GRIN3A: variants seen among roughly 807,000 people sequenced by gnomAD.
The protein encoded by GRIN3A is glutamate receptor ionotropic, NMDA 3A.
In GRIN3A, 47 loss-of-function variants were observed where a neutral mutation model predicts 92.4. That is an observed-to-expected ratio of 0.51 (90% CI 0.40 to 0.65). GRIN3A has a LOEUF of 0.65. Among genes scored for constraint, GRIN3A ranks in the 30% least tolerant of loss-of-function variants. The pLI, the probability that GRIN3A is intolerant of heterozygous loss-of-function variation, is 0.00. For synonymous variants in GRIN3A, 527 were observed against 540.6 expected (o/e 0.97, Z 0.35); for missense variants, 1,324 against 1,393.1 (o/e 0.95, Z 0.79).
At chr9:101,603,130 TA>T (rs1427029703) in intron 6 of GRIN3A, 1 of 152,124 alleles carries the variant, frequency 6.6e-6, no homozygotes, top group African/African-American at 2.4e-5. Context: ...CATTTTGAAA[TA>T]AAAAATTATT....
chr9:101,665,731 C>T (rs770280455), intron 3 of GRIN3A, among the ~76,000 whole-genome samples: 11 of 151,786 alleles, frequency 7.2e-5, no homozygotes, highest in Non-Finnish European at 1.2e-4. Flanking sequence ...GCACTAAATT[C>T]TCCCTGATTA....
intron 3 of GRIN3A, among the ~76,000 whole-genome samples, chr9:101,663,119 C>T (rs1829193300): frequency 6.6e-6 from 1 of 151,924 alleles, no homozygotes; most frequent in African/African-American, 2.4e-5. Flanking sequence ...GGGGATTCTG[C>T]ACCTGCAGCC....
intron 3 of GRIN3A, among the ~76,000 whole-genome samples, chr9:101,649,499 A>T (rs1828982903): frequency 6.6e-6 from 1 of 151,898 alleles, no homozygotes; most frequent in African/African-American, 2.4e-5. Flanking sequence ...TGGTGGGGAG[A>T]ATGAATCTAC....
intron 6 of GRIN3A, among the ~76,000 whole-genome samples, chr9:101,599,802 G>A (rs558920545): frequency 6.6e-6 from 1 of 152,172 alleles, no homozygotes; most frequent in Non-Finnish European, 1.5e-5. Context: ...AGGAGACCAG[G>A]TCACACAGCT....
intron 6 of GRIN3A, chr9:101,593,548 G>A (rs1828063115): frequency 6.6e-6 from 1 of 152,228 alleles, no homozygotes; most frequent in African/African-American, 2.4e-5. Flanking sequence ...CTAACTAAAT[G>A]TCTCATTGTC....
intron 6 of GRIN3A, chr9:101,594,611 T>G: frequency 6.2e-7 from 1 of 1,614,176 alleles, no homozygotes; most frequent in Non-Finnish European, 8.5e-7. Flanking sequence ...AATGTAGCCA[T>G]CTTTATCCAT....
chr9:101,717,381 C>T (rs1478266923), intron 1 of GRIN3A, among the ~76,000 whole-genome samples: 1 of 152,124 alleles, frequency 6.6e-6, no homozygotes, highest in Non-Finnish European at 1.5e-5. Context: ...TTTCTGTGCT[C>T]CAACCTCAGG....
At chr9:101,591,893 T>C (rs1338648934) in intron 6 of GRIN3A, 1 of 152,224 alleles carries the variant, frequency 6.6e-6, no homozygotes, top group East Asian at 1.9e-4. Context: ...GAAACACATT[T>C]CCTCTCTTTG....
chr9:101,640,407 CA>C (rs1185517194), intron 3 of GRIN3A, among the ~76,000 whole-genome samples: 1 of 152,112 alleles, frequency 6.6e-6, no homozygotes, highest in East Asian at 1.9e-4. Context: ...TTTCATGCAT[CA>C]GTAACAAAAA....
chr9:101,731,026 A>G (rs530345515), intron 1 of GRIN3A, among the ~76,000 whole-genome samples: 6 of 152,216 alleles, frequency 3.9e-5, no homozygotes, highest in Non-Finnish European at 2.9e-5. Context: ...AAATTTTTCT[A>G]TCTTTCTGTG....
intron 1 of GRIN3A, among the ~76,000 whole-genome samples, chr9:101,691,867 G>A (rs1829624825): frequency 6.6e-6 from 1 of 152,192 alleles, no homozygotes; most frequent in Non-Finnish European, 1.5e-5. Context: ...TATGCACCAT[G>A]TGGCCTTTTG....
At position 101,570,426 on chromosome 9, in the gene GRIN3A, A is replaced by C. The variant is rs1198314940; in HGVS notation, c.*2748T>G. ...ATTTCATGACATCATTTTACAAAAC[A>C]CAATACACTGTTTCACAAATTGCAA... On this transcript the variant is annotated 3_prime_UTR_variant, in exon 9 of 9. Coordinates refer to ENST00000361820, the MANE Select transcript of GRIN3A (RefSeq NM_133445.3). 4 of 152,634 alleles carry C rather than the reference A, an allele frequency of 2.6e-5. No homozygotes were observed. The highest frequency in any genetic ancestry group is 5.9e-5 in the Non-Finnish European group (4 of 68,014). 9.5% of individuals were successfully genotyped at this position (152,634 alleles called of 1,614,324 possible). A position where few individuals can be genotyped will look rare whatever the true frequency, so the allele number is the denominator to read the frequency against.
intron 1 of GRIN3A, among the ~76,000 whole-genome samples, chr9:101,707,823 G>C (rs4324970): frequency 0.51 from 77,400 of 151,914 alleles, 20,204 homozygotes; most frequent in African/African-American, 0.6. Context: ...TTTCAGAATT[G>C]TCCTGGGAAA....
intron 1 of GRIN3A, among the ~76,000 whole-genome samples, chr9:101,688,763 A>T (rs1411058364): frequency 6.6e-6 from 1 of 152,162 alleles, no homozygotes; most frequent in Non-Finnish European, 1.5e-5. Flanking sequence ...TACTAAAAAT[A>T]CAAAAATTAG....
intron 1 of GRIN3A, among the ~76,000 whole-genome samples, chr9:101,695,888 G>C (rs553974490): frequency 6.6e-6 from 1 of 152,200 alleles, no homozygotes; most frequent in South Asian, 2.1e-4. Context: ...TGGAGCTCTC[G>C]AGCCTCTTTA....
At chr9:101,595,320 T>TTC (rs1775407770) in intron 6 of GRIN3A, among the ~76,000 whole-genome samples, 2 of 38,384 alleles carry the variant, frequency 5.2e-5, no homozygotes, top group Admixed American at 5.4e-4. Context: ...TACTTATTTC[T>TTC]TTTTTTTTTT....
intron 1 of GRIN3A, among the ~76,000 whole-genome samples, chr9:101,724,559 G>A (rs2119033644): frequency 6.6e-6 from 1 of 152,338 alleles, no homozygotes; most frequent in African/African-American, 2.4e-5. Context: ...GGCTCCCACA[G>A]TGCAGCGGTG....
At chr9:101,731,148 TC>T (rs1433099974) in intron 1 of GRIN3A, among the ~76,000 whole-genome samples, 1 of 152,160 alleles carries the variant, frequency 6.6e-6, no homozygotes, top group Non-Finnish European at 1.5e-5. Context: ...CTTTTAATAG[TC>T]CAACCTGGAA....
chr9:101,649,294 C>A (rs1287858020), intron 3 of GRIN3A, among the ~76,000 whole-genome samples: 1 of 151,874 alleles, frequency 6.6e-6, no homozygotes, highest in Non-Finnish European at 1.5e-5. Flanking sequence ...GTTTCCCCTG[C>A]AGCACGGTAG....
Sources: gnomAD v4.1 joint callset for allele counts (sites outside exome capture counted in the v4.1 genomes callset) on GRCh38, gnomAD v4.1.1 for gene constraint, MANE v1.5 for transcripts, NCBI Gene and HGNC (gene_info 2026-07-23, HGNC 2026-07-21) for gene names.